MITF: variants seen among roughly 807,000 people sequenced by gnomAD.
MITF encodes melanocyte inducing transcription factor.
In MITF, 17 loss-of-function variants were observed where a neutral mutation model predicts 60.5. That is an observed-to-expected ratio of 0.28 (90% CI 0.19 to 0.42). MITF has a LOEUF of 0.42. Among genes scored for constraint, MITF ranks in the 10% least tolerant of loss-of-function variants. MITF has a pLI of 1.00. For synonymous variants in MITF, 260 were observed against 248.5 expected (o/e 1.05, Z -0.43); for missense variants, 622 against 683.5 (o/e 0.91, Z 1.00).
chr3:69,816,321 T>G (rs571525025), intron 1 of MITF, among the ~76,000 whole-genome samples: 1 of 152,338 alleles, frequency 6.6e-6, no homozygotes, highest in East Asian at 1.9e-4. Context: ...GACTCCTCTG[T>G]GCTGCTCAGG....
intron 2 of MITF, among the ~76,000 whole-genome samples, chr3:69,890,775 A>C (rs1055088400): frequency 3.3e-5 from 5 of 152,194 alleles, no homozygotes; most frequent in African/African-American, 1.2e-4. Context: ...ATAATACCTA[A>C]GTGATAATTT....
At chr3:69,960,251 A>G (rs1367082251) in intron 9 of MITF, among the ~76,000 whole-genome samples, 1 of 152,226 alleles carries the variant, frequency 6.6e-6, no homozygotes, top group Non-Finnish European at 1.5e-5. Flanking sequence ...TCTTATATTA[A>G]GGACATAATT....
At position 69,847,528 on chromosome 3, in the gene MITF, C is replaced by T. The variant is rs145178475; in HGVS notation, c.105-31606C>T. 1.4e-3 allele frequency among the ~76,000 whole-genome samples: 211 copies of T among 152,240 alleles called. 1 individual carries two copies. The highest frequency in any genetic ancestry group is 5.0e-3 in the African/African-American group (208 of 41,548). On this transcript the variant is annotated intron_variant, in intron 1 of 9. Coordinates refer to ENST00000352241, the MANE Select transcript of MITF (RefSeq NM_001354604.2). Reference sequence around the variant, plus strand: ...TAAGTGGCAGAACCAGGTAGTTTGACTCCAGGGGTTGTATTTTTAACTCCA... The same window carrying T: ...TAAGTGGCAGAACCAGGTAGTTTGATTCCAGGGGTTGTATTTTTAACTCCA...
chr3:69,844,420 G>A (rs995725029), intron 1 of MITF, among the ~76,000 whole-genome samples: 1 of 152,190 alleles, frequency 6.6e-6, no homozygotes, highest in East Asian at 1.9e-4. Context: ...CTAGCCATAT[G>A]TAGAAAACTG....
At chr3:69,760,270 A>G (rs2062192658) in intron 1 of MITF, among the ~76,000 whole-genome samples, 1 of 152,156 alleles carries the variant, frequency 6.6e-6, no homozygotes, top group South Asian at 2.1e-4. Flanking sequence ...CCATTGCTGA[A>G]AAATCCAGCA....
At position 69,879,343 on chromosome 3, in the gene MITF, C is replaced by A. The variant is rs2107278354; in HGVS notation, c.314C>A (p.Thr105Asn). 1 of 1,614,226 alleles carries A rather than the reference C, an allele frequency of 6.2e-7. No individual in the cohort carries two copies. The highest frequency in any genetic ancestry group is 8.5e-7 in the Non-Finnish European group (1 of 1,180,048). The change falls in exon 2 of 10, where the codon ACC (threonine) becomes AAC (asparagine). Residue 105 changes from threonine to asparagine, a missense_variant. Transcript: ENST00000352241. ...GCCATAAACGTCAGTGTGCCCACCA[C>A]CCTTCCCTCTGCCACGCAGGTGCCG... The part of the protein sequence containing the change: ...TPAINVSVPT[T>N]LPSATQVPME...
chr3:69,770,319 G>A (rs1189632992), intron 1 of MITF, among the ~76,000 whole-genome samples: 1 of 152,044 alleles, frequency 6.6e-6, no homozygotes, highest in Non-Finnish European at 1.5e-5. Flanking sequence ...CACATTAATG[G>A]GTATGCATTC....
At chr3:69,937,080 A>G (rs529579365) in intron 2 of MITF, 8 of 246,334 alleles carry the variant, frequency 3.2e-5, no homozygotes, top group South Asian at 3.1e-4. Flanking sequence ...TTTTTGGGGA[A>G]AAGTATTTCT....
At chr3:69,786,383 C>T (rs748379416) in intron 1 of MITF, among the ~76,000 whole-genome samples, 3 of 152,104 alleles carry the variant, frequency 2.0e-5, no homozygotes, top group Non-Finnish European at 2.9e-5. Context: ...GTATGAAGTC[C>T]TTTGCGCTCT....
intron 1 of MITF, among the ~76,000 whole-genome samples, chr3:69,832,449 G>T (rs2063465614): frequency 2.0e-5 from 3 of 152,286 alleles, no homozygotes; most frequent in Admixed American, 1.3e-4. Flanking sequence ...ACATTTATTT[G>T]AGGTGACTTA....
At chr3:69,762,925 AG>A (rs1469898279) in intron 1 of MITF, 4 of 225,288 alleles carry the variant, frequency 1.8e-5, no homozygotes, top group Non-Finnish European at 3.5e-5. Context: ...GGTTTAAACC[AG>A]GACACCCTGT....
intron 5 of MITF, among the ~76,000 whole-genome samples, chr3:69,948,739 A>T (rs2066163924): frequency 6.6e-6 from 1 of 152,118 alleles, no homozygotes; most frequent in African/African-American, 2.4e-5. Context: ...TAGTTGTACT[A>T]GATAATGCAT....
At chr3:69,741,930 G>A (rs752526167) in intron 1 of MITF, among the ~76,000 whole-genome samples, 9 of 152,200 alleles carry the variant, frequency 5.9e-5, no homozygotes, top group Middle Eastern at 3.4e-3. Context: ...AGTCTTTGTC[G>A]GAAAAAGTTG....
At chr3:69,775,317 G>A (rs1331569420) in intron 1 of MITF, among the ~76,000 whole-genome samples, 2 of 152,168 alleles carry the variant, frequency 1.3e-5, no homozygotes, top group Non-Finnish European at 2.9e-5. Flanking sequence ...AAGGGTAAAT[G>A]ACTGGAAAGA....
intron 1 of MITF, among the ~76,000 whole-genome samples, chr3:69,745,821 G>A (rs560130095): frequency 6.6e-6 from 1 of 152,280 alleles, no homozygotes; most frequent in African/African-American, 2.4e-5. Flanking sequence ...TCTCTAAGCT[G>A]TAAAATGAGA....
intron 2 of MITF, among the ~76,000 whole-genome samples, chr3:69,928,920 A>T (rs2065653515): frequency 6.6e-6 from 1 of 152,158 alleles, no homozygotes; most frequent in Non-Finnish European, 1.5e-5. Flanking sequence ...GGCTTGTTGT[A>T]CTGCTAGATG....
intron 1 of MITF, among the ~76,000 whole-genome samples, chr3:69,805,065 T>G (rs2062983791): frequency 6.6e-6 from 1 of 152,210 alleles, no homozygotes; most frequent in Admixed American, 6.5e-5. Context: ...TCATGTTCAT[T>G]CTATTTAAAC....
Position 69,865,265 on chromosome 3 carries a change from T to C in MITF, c.105-13869T>C, listed in dbSNP as rs184989319. Among the ~76,000 whole-genome samples the C allele has an allele frequency of 5.9e-5, 9 of 152,336 alleles. No homozygotes were observed. In the East Asian group the frequency reaches 1.5e-3, roughly 26 times the overall value. ...GAGGTTGCATTATTTTCCAACCATT[T>C]ACTTTGGAGATAAATGTAGGCACAG... On this transcript the variant is annotated intron_variant, in intron 1 of 9. Transcript: ENST00000352241.
intron 1 of MITF, among the ~76,000 whole-genome samples, chr3:69,790,669 A>T (rs995209459): frequency 1.3e-5 from 2 of 152,184 alleles, no homozygotes; most frequent in African/African-American, 2.4e-5. Flanking sequence ...AATATTTTTT[A>T]AAAATTAGGA....
Sources: allele counts gnomAD v4.1 joint callset (sites outside exome capture counted in the v4.1 genomes callset), GRCh38; gene constraint gnomAD v4.1.1; transcripts MANE v1.5; gene names NCBI Gene and HGNC (gene_info 2026-07-23, HGNC 2026-07-21).